ANKFN1: variants seen among roughly 807,000 people sequenced by gnomAD.
The protein encoded by ANKFN1 is ankyrin repeat and fibronectin type III domain containing 1.
Under a neutral mutation model 108.7 loss-of-function variants are expected in ANKFN1, and 74 were observed. That is an observed-to-expected ratio of 0.68 (90% CI 0.56 to 0.83). ANKFN1 has a LOEUF of 0.83. Ranked by LOEUF, ANKFN1 falls within the 40% of genes least tolerant of loss-of-function variation. ANKFN1 has a pLI of 0.00. For synonymous variants in ANKFN1, 547 were observed against 516.2 expected (o/e 1.06, Z -0.81); for missense variants, 1,505 against 1,382.3 (o/e 1.09, Z -1.41).
intron 4 of ANKFN1, among the ~76,000 whole-genome samples, chr17:56,122,434 T>A (rs569023966): frequency 3.3e-5 from 5 of 152,338 alleles, no homozygotes; most frequent in African/African-American, 1.2e-4. Context: ...TTTGTCTTGC[T>A]CTCTCAGCTG....
chr17:56,394,645 C>A (rs1386290761), intron 8 of ANKFN1, among the ~76,000 whole-genome samples: 2 of 152,142 alleles, frequency 1.3e-5, no homozygotes, highest in African/African-American at 4.8e-5. Context: ...GTTGCTGAGC[C>A]CATACGCCTC....
At chr17:56,325,844 C>A (rs1352159989) in intron 3 of ANKFN1, among the ~76,000 whole-genome samples, 1 of 152,330 alleles carries the variant, frequency 6.6e-6, no homozygotes, top group Non-Finnish European at 1.5e-5. Context: ...GACAATATTT[C>A]TTTCCCTGCC....
intron 2 of ANKFN1, among the ~76,000 whole-genome samples, chr17:56,226,797 A>T (rs1916310876): frequency 6.6e-6 from 1 of 152,194 alleles, no homozygotes; most frequent in South Asian, 2.1e-4. Flanking sequence ...TAAGACTTTC[A>T]TCATTTTCTT....
At chr17:56,225,961 T>C (rs1191977988) in intron 2 of ANKFN1, among the ~76,000 whole-genome samples, 3 of 152,242 alleles carry the variant, frequency 2.0e-5, no homozygotes, top group African/African-American at 4.8e-5. Flanking sequence ...GTGAATACTT[T>C]TGTGGCCAAA....
At chr17:56,427,538 G>T (rs1056536801) in intron 8 of ANKFN1, among the ~76,000 whole-genome samples, 2 of 151,914 alleles carry the variant, frequency 1.3e-5, no homozygotes, top group Non-Finnish European at 2.9e-5. Flanking sequence ...CTGCTTGGTG[G>T]TCACTGCCCC....
rs1250890822 is a variant in ANKFN1, at chr17:56,068,774, G to A, written c.288+22449G>A. 2.0e-5 allele frequency among the ~76,000 whole-genome samples: 3 copies of A among 152,144 alleles called. No homozygotes were observed. In the East Asian group the frequency reaches 5.8e-4, roughly 29 times the overall value. On this transcript the variant is annotated intron_variant, in intron 4 of 12. Coordinates refer to the ANKFN1 transcript ENST00000635860. Reference sequence around the variant, plus strand: ...CACATGAGACAATGAGTTCTTTGAAGGTCACACTCCTTCCTCTCATTCATA... The same window carrying A: ...CACATGAGACAATGAGTTCTTTGAAAGTCACACTCCTTCCTCTCATTCATA...
chr17:56,115,792 G>A (rs774760697), intron 4 of ANKFN1, among the ~76,000 whole-genome samples: 1 of 152,110 alleles, frequency 6.6e-6, no homozygotes, highest in Non-Finnish European at 1.5e-5. Flanking sequence ...AATTCTCACT[G>A]GGGCTAGAAG....
chr17:56,289,164 C>T (rs1296846437), intron 3 of ANKFN1, among the ~76,000 whole-genome samples: 1 of 152,132 alleles, frequency 6.6e-6, no homozygotes, highest in African/African-American at 2.4e-5. Context: ...CAAAGGCAGT[C>T]TGATATTTGC....
intron 3 of ANKFN1, among the ~76,000 whole-genome samples, chr17:56,282,675 A>G (rs968216133): frequency 3.9e-5 from 6 of 152,164 alleles, no homozygotes; most frequent in Non-Finnish European, 7.3e-5. Context: ...AGTTTATTTT[A>G]TAACTTAGCA....
intron 3 of ANKFN1, among the ~76,000 whole-genome samples, chr17:56,316,349 C>G (rs2045207166): frequency 6.6e-6 from 1 of 152,094 alleles, no homozygotes; most frequent in Non-Finnish European, 1.5e-5. Flanking sequence ...TGGAGATAAA[C>G]CAAGGAGACT....
chr17:56,422,699 A>G (rs1240913025), intron 8 of ANKFN1, among the ~76,000 whole-genome samples: 1 of 152,184 alleles, frequency 6.6e-6, no homozygotes, highest in African/African-American at 2.4e-5. Flanking sequence ...ATTCAAAATA[A>G]CTTGAAATAA....
chr17:56,422,513 G>A (rs943275413), intron 8 of ANKFN1, among the ~76,000 whole-genome samples: 8 of 151,816 alleles, frequency 5.3e-5, no homozygotes, highest in South Asian at 2.1e-4. Flanking sequence ...ACGCATGCAC[G>A]CACACACTTC....
At chr17:56,269,394 T>C (rs1335843635) in intron 3 of ANKFN1, among the ~76,000 whole-genome samples, 1 of 152,194 alleles carries the variant, frequency 6.6e-6, no homozygotes, top group Non-Finnish European at 1.5e-5. Flanking sequence ...CCCAAACAAC[T>C]CTGGAAGCAG....
intron 18 of ANKFN1, among the ~76,000 whole-genome samples, chr17:56,485,487 CAG>C (rs1440886446): frequency 6.6e-6 from 1 of 152,128 alleles, no homozygotes. Flanking sequence ...GAGATGAGGT[CAG>C]AGAGTCATGG....
At chr17:56,480,863 G>GA in intron 17 of ANKFN1, 45 bp downstream of exon 17, 4 of 1,586,736 alleles carry the variant, frequency 2.5e-6, no homozygotes, top group Non-Finnish European at 3.4e-6. Context: ...ATGGCTCATG[G>GA]AAACTGCATT....
intron 1 of ANKFN1, among the ~76,000 whole-genome samples, chr17:56,155,410 G>A (rs988129523): frequency 6.6e-6 from 1 of 152,192 alleles, no homozygotes; most frequent in East Asian, 1.9e-4. Flanking sequence ...CAAGCAGCTG[G>A]TCCTAAGCCA....
At chr17:56,210,948 G>A (rs1486645610) in intron 1 of ANKFN1, among the ~76,000 whole-genome samples, 1 of 152,176 alleles carries the variant, frequency 6.6e-6, no homozygotes, top group Non-Finnish European at 1.5e-5. Context: ...TTCAAGATGA[G>A]ATTTGGGTGG....
chr17:56,158,492 C>T (rs1567809580), intron 1 of ANKFN1, among the ~76,000 whole-genome samples: 1 of 152,172 alleles, frequency 6.6e-6, no homozygotes, highest in African/African-American at 2.4e-5. Context: ...AACACTGCTG[C>T]CTGTTATCAG....
At chr17:56,328,570 G>A (rs1352887052) in intron 4 of ANKFN1, among the ~76,000 whole-genome samples, 1 of 152,106 alleles carries the variant, frequency 6.6e-6, no homozygotes, top group Admixed American at 6.6e-5. Context: ...CTTCATACCT[G>A]TCTCTAAGAA....
Sources: gnomAD v4.1 joint callset for allele counts (sites outside exome capture counted in the v4.1 genomes callset) on GRCh38, gnomAD v4.1.1 for gene constraint, MANE v1.5 for transcripts, NCBI Gene and HGNC (gene_info 2026-07-23, HGNC 2026-07-21) for gene names.